The following GALNT17 variants were observed in gnomAD, a reference collection of about 807,000 sequenced individuals.
The protein encoded by GALNT17 is polypeptide N-acetylgalactosaminyltransferase 17.
GALNT17 carries 29 observed loss-of-function variants against 63.7 expected under a neutral mutation model. That is an observed-to-expected ratio of 0.46 (90% CI 0.34 to 0.62). The LOEUF (loss-of-function observed/expected upper bound fraction) is 0.62. Among genes scored for constraint, GALNT17 ranks in the 20% least tolerant of loss-of-function variants. GALNT17 has a pLI of 0.01. For missense variants in GALNT17, 603 were observed against 799.6 expected, an observed-to-expected ratio of 0.75 and a Z score of 2.97; for synonymous variants, 305 against 318.3, an observed-to-expected ratio of 0.96 and a Z score of 0.45.
intron 6 of GALNT17, among the ~76,000 whole-genome samples, chr7:71,579,449 C>T (rs1789597890): frequency 6.6e-6 from 1 of 152,120 alleles, no homozygotes; most frequent in African/African-American, 2.4e-5. Flanking sequence ...ATAATTAGCA[C>T]TGTGATGAGT....
intron 1 of GALNT17, among the ~76,000 whole-genome samples, chr7:71,231,085 A>G (rs1191558657): frequency 6.6e-6 from 1 of 152,230 alleles, no homozygotes; most frequent in Admixed American, 6.5e-5. Context: ...ATAGTAAGAA[A>G]TTCATTCACA....
intron 5 of GALNT17, among the ~76,000 whole-genome samples, chr7:71,490,250 C>G (rs1787984446): frequency 7.2e-6 from 1 of 139,248 alleles, no homozygotes; most frequent in African/African-American, 2.8e-5. Flanking sequence ...GGGCGAGACT[C>G]TGTCTCAAAA....
chr7:71,566,311 C>G (rs114557360), intron 5 of GALNT17, among the ~76,000 whole-genome samples: 3 of 152,076 alleles, frequency 2.0e-5, no homozygotes, highest in African/African-American at 7.2e-5. Context: ...GTGGCCTGGG[C>G]GCTTTCTGTG....
intron 5 of GALNT17, among the ~76,000 whole-genome samples, chr7:71,449,310 C>CGCGAAA (rs1405538430): frequency 1.3e-5 from 2 of 151,940 alleles, no homozygotes; most frequent in East Asian, 3.9e-4. Context: ...TGGGGTTTCA[C>CGCGAAA]CATGGCTGGT....
chr7:71,343,069 G>C (rs1792033809), intron 2 of GALNT17, among the ~76,000 whole-genome samples: 1 of 152,216 alleles, frequency 6.6e-6, no homozygotes. Flanking sequence ...CAGAGAGACT[G>C]TTGTAAATTC....
chr7:71,667,339 G>A (rs1275555029), intron 7 of GALNT17, among the ~76,000 whole-genome samples: 2 of 152,200 alleles, frequency 1.3e-5, no homozygotes, highest in Non-Finnish European at 2.9e-5. Flanking sequence ...CTTTTTAGCT[G>A]TTAAGTAATA....
chr7:71,279,312 A>G (rs545559969), intron 1 of GALNT17, among the ~76,000 whole-genome samples: 1 of 152,160 alleles, frequency 6.6e-6, no homozygotes, highest in South Asian at 2.1e-4. Context: ...AACCTCTTAT[A>G]AAAGCATCAG....
At chr7:71,236,042 G>A (rs541603265) in intron 1 of GALNT17, among the ~76,000 whole-genome samples, 7 of 152,186 alleles carry the variant, frequency 4.6e-5, no homozygotes, top group East Asian at 3.9e-4. Context: ...TTAGCCGGGC[G>A]TGGTGGCAGG....
intron 7 of GALNT17, among the ~76,000 whole-genome samples, chr7:71,669,601 A>G (rs1791037266): frequency 7.2e-6 from 1 of 139,252 alleles, no homozygotes; most frequent in South Asian, 2.3e-4. Context: ...TCGCACTGTC[A>G]CCTGGGCTAG....
intron 5 of GALNT17, among the ~76,000 whole-genome samples, chr7:71,423,130 G>GCACA (rs1786697024): frequency 6.6e-6 from 1 of 152,154 alleles, no homozygotes; most frequent in Non-Finnish European, 1.5e-5. Flanking sequence ...CACAGGATGG[G>GCACA]GGACAGGGTA....
intron 6 of GALNT17, among the ~76,000 whole-genome samples, chr7:71,610,938 A>T (rs1344156975): frequency 6.7e-6 from 1 of 149,808 alleles, no homozygotes; most frequent in Non-Finnish European, 1.5e-5. Context: ...GTGAGCCGAG[A>T]TCACGCCACT....
At chr7:71,301,347 AAT>A (rs1422185149) in intron 1 of GALNT17, among the ~76,000 whole-genome samples, 4 of 147,470 alleles carry the variant, frequency 2.7e-5, no homozygotes, top group Admixed American at 1.4e-4. Context: ...ATTATATTAA[AAT>A]ATATATTTAA....
At chr7:71,564,179 G>A (rs1443069921) in intron 5 of GALNT17, among the ~76,000 whole-genome samples, 1 of 152,046 alleles carries the variant, frequency 6.6e-6, no homozygotes, top group African/African-American at 2.4e-5. Flanking sequence ...GTCACCTGCT[G>A]GGGCCAGTTC....
intron 1 of GALNT17, among the ~76,000 whole-genome samples, chr7:71,310,142 A>G (rs1266911148): frequency 6.6e-6 from 1 of 152,224 alleles, no homozygotes; most frequent in Non-Finnish European, 1.5e-5. Context: ...CTGTAAGTCC[A>G]TCAAACCTCT....
intron 6 of GALNT17, among the ~76,000 whole-genome samples, chr7:71,584,042 G>A (rs1789678939): frequency 6.6e-6 from 1 of 152,186 alleles, no homozygotes; most frequent in East Asian, 1.9e-4. Context: ...TGAGGCAGGA[G>A]AATCACTTGA....
chr7:71,280,513 T>G (rs1043928885), intron 1 of GALNT17, among the ~76,000 whole-genome samples: 1 of 152,144 alleles, frequency 6.6e-6, no homozygotes, highest in Non-Finnish European at 1.5e-5. Context: ...ACCCTCTTGG[T>G]TGCAAGTGAC....
At chr7:71,205,100 G>A (rs1383883254) in intron 1 of GALNT17, among the ~76,000 whole-genome samples, 4 of 145,438 alleles carry the variant, frequency 2.8e-5, no homozygotes, top group African/African-American at 1.0e-4. Context: ...TTGTTTTCTT[G>A]GTTAAATTTA....
chr7:71,456,650 T>C (rs1787361780), intron 5 of GALNT17, among the ~76,000 whole-genome samples: 1 of 151,812 alleles, frequency 6.6e-6, no homozygotes, highest in Admixed American at 6.6e-5. Context: ...CTTGAACTCT[T>C]GGCGGAGGCT....
intron 1 of GALNT17, among the ~76,000 whole-genome samples, chr7:71,308,272 T>G (rs1203133809): frequency 6.6e-6 from 1 of 151,812 alleles, no homozygotes; most frequent in African/African-American, 2.4e-5. Context: ...GAGCAGATCC[T>G]GGCTGCCAGT....
Sources: gnomAD v4.1 joint callset for allele counts (sites outside exome capture counted in the v4.1 genomes callset) on GRCh38, gnomAD v4.1.1 for gene constraint, MANE v1.5 for transcripts, NCBI Gene and HGNC (gene_info 2026-07-23, HGNC 2026-07-21) for gene names.